The following LAMA3 variants were observed in gnomAD, a reference collection of about 807,000 sequenced individuals.
LAMA3 encodes laminin subunit alpha-3.
LAMA3 carries 281 observed loss-of-function variants against 402.0 expected under a neutral mutation model. The ratio of observed to expected loss-of-function variants is 0.70; its 90% CI spans 0.63 to 0.77. The LOEUF is 0.77. Among genes scored for constraint, LAMA3 ranks in the 30% least tolerant of loss-of-function variants. LAMA3 has a pLI of 0.00. For synonymous variants in LAMA3, 1,431 were observed against 1,558.4 expected (o/e 0.92, Z 1.93); for missense variants, 3,840 against 4,215.5 (o/e 0.91, Z 2.47).
chr18:23,922,299 A>G (rs1393987745), intron 62 of LAMA3, among the ~76,000 whole-genome samples: 1 of 152,230 alleles, frequency 6.6e-6, no homozygotes, highest in African/African-American at 2.4e-5. Context: ...GAGTGCTCCC[A>G]GAAGGTTAGG....
chr18:23,739,142 G>A (rs914102895), intron 2 of LAMA3, among the ~76,000 whole-genome samples: 3 of 152,168 alleles, frequency 2.0e-5, no homozygotes, highest in Non-Finnish European at 2.9e-5. Flanking sequence ...GCAGGTTGGT[G>A]CCTCTGCAGA....
At chr18:23,740,504 T>C (rs931825339) in intron 2 of LAMA3, among the ~76,000 whole-genome samples, 4 of 152,188 alleles carry the variant, frequency 2.6e-5, no homozygotes, top group African/African-American at 9.7e-5. Context: ...AGGGATTTTA[T>C]TTCTCAGGCT....
At chr18:23,827,197 G>A (rs1246534596) in intron 22 of LAMA3, 117 bp from the exon 23 acceptor site, 2 of 1,082,088 alleles carry the variant, frequency 1.8e-6, no homozygotes, top group Middle Eastern at 2.3e-4. Flanking sequence ...GTTTATTGAA[G>A]GATGATGAAT....
intron 18 of LAMA3, among the ~76,000 whole-genome samples, chr18:23,819,386 C>T (rs1228908527): frequency 6.6e-6 from 1 of 152,082 alleles, no homozygotes; most frequent in East Asian, 1.9e-4. Flanking sequence ...GTAAATTTAG[C>T]ATATGAAATA....
intron 2 of LAMA3, among the ~76,000 whole-genome samples, chr18:23,746,893 A>C (rs930420882): frequency 5.3e-5 from 8 of 151,976 alleles, no homozygotes; most frequent in Admixed American, 1.3e-4. Flanking sequence ...TAAAAAAAAA[A>C]AACAACTTAC....
chr18:23,738,927 AG>A (rs751238863), intron 2 of LAMA3, among the ~76,000 whole-genome samples: 2 of 152,214 alleles, frequency 1.3e-5, no homozygotes, highest in Non-Finnish European at 2.9e-5. Flanking sequence ...CAGCTTCTAA[AG>A]TTGGAGTTGC....
At chr18:23,832,586 G>T (rs1212805697) in intron 23 of LAMA3, among the ~76,000 whole-genome samples, 2 of 152,164 alleles carry the variant, frequency 1.3e-5, no homozygotes, top group East Asian at 3.8e-4. Flanking sequence ...CAGGCATTAA[G>T]TATGTGTACA....
Position 23,689,594 on chromosome 18 carries a change from C to A in LAMA3, c.-90C>A. On this transcript the variant is annotated 5_prime_UTR_variant, in exon 1 of 75. Coordinates refer to ENST00000313654, the MANE Select transcript of LAMA3 (RefSeq NM_198129.4). ...ATATCCCCGGCTGCGCTAGTCCTGG[C>A]GCTGCAGGTCCGGGAGGCGCAGGCG... 3 of 1,165,790 alleles carry A rather than the reference C, an allele frequency of 2.6e-6. No homozygotes were observed. The highest frequency in any genetic ancestry group is 3.2e-6 in the Non-Finnish European group (3 of 930,276). The allele number at this position is 1,165,790 out of a possible 1,614,324, so 72.2% of individuals were successfully genotyped here.
intron 13 of LAMA3, among the ~76,000 whole-genome samples, chr18:23,812,659 ATAAT>A (rs991978741): frequency 1.3e-5 from 2 of 152,254 alleles, no homozygotes; most frequent in Non-Finnish European, 2.9e-5. Context: ...AGGAGGTGTG[ATAAT>A]TAAAGATGTA....
At chr18:23,745,173 ATGTGTGTGTGTG>A (rs55780622) in intron 2 of LAMA3, among the ~76,000 whole-genome samples, 5 of 148,932 alleles carry the variant, frequency 3.4e-5, no homozygotes, top group Non-Finnish European at 6.0e-5. Context: ...AGAATCAAAA[ATGTGTGTGTGTG>A]TGTGTGTGTG....
intron 13 of LAMA3, among the ~76,000 whole-genome samples, chr18:23,811,223 G>A (rs1328783131): frequency 1.3e-5 from 2 of 152,060 alleles, no homozygotes; most frequent in African/African-American, 4.8e-5. Flanking sequence ...ATTTCCCTGG[G>A]CTCCCTGGTG....
intron 41 of LAMA3, among the ~76,000 whole-genome samples, chr18:23,887,981 A>C (rs918838478): frequency 6.6e-6 from 1 of 152,252 alleles, no homozygotes; most frequent in Admixed American, 6.5e-5. Flanking sequence ...AGTAAGGAAG[A>C]AGTAGAATCG....
Position 23,812,940 on chromosome 18 carries a change from C to T in LAMA3, c.1742-117C>T, listed in dbSNP as rs570852067. ...CATGCAGACTTTGCCACACATCTAT[C>T]GAAAATATAAATGTAGATACACTAT... On this transcript the variant is annotated intron_variant, in intron 13 of 74. Transcript: ENST00000313654. 2.6e-5 allele frequency: 19 copies of T among 734,080 alleles called. No individual in the cohort carries two copies. In the East Asian group the frequency reaches 3.7e-4, roughly 14 times the overall value. The allele number at this position is 734,080 out of a possible 1,614,324, so 45.5% of individuals were successfully genotyped here.
intron 55 of LAMA3, among the ~76,000 whole-genome samples, chr18:23,909,649 C>A (rs977954609): frequency 1.3e-5 from 2 of 152,186 alleles, no homozygotes; most frequent in African/African-American, 4.8e-5. Flanking sequence ...ACAGGACCTA[C>A]CCTCCTATTG....
intron 67 of LAMA3, among the ~76,000 whole-genome samples, chr18:23,934,330 G>T (rs2082250602): frequency 6.6e-6 from 1 of 152,154 alleles, no homozygotes; most frequent in African/African-American, 2.4e-5. Flanking sequence ...AAGATACGTG[G>T]TGTACCCTTG....
chr18:23,690,148 T>TG (rs1225974144), intron 1 of LAMA3, among the ~76,000 whole-genome samples, 171 bp downstream of exon 1: 1 of 151,928 alleles, frequency 6.6e-6, no homozygotes, highest in Non-Finnish European at 1.5e-5. Flanking sequence ...AGCGATCTCG[T>TG]GGAAGCACCG....
intron 12 of LAMA3, among the ~76,000 whole-genome samples, chr18:23,809,938 C>T (rs1195129427): frequency 6.6e-6 from 1 of 152,042 alleles, no homozygotes; most frequent in Non-Finnish European, 1.5e-5. Context: ...AGTCACATCC[C>T]CCATCAGTTG....
At chr18:23,920,902 CT>C (rs1568346534) in intron 60 of LAMA3, 32 bp from the exon 61 acceptor site, 1 of 1,613,146 alleles carries the variant, frequency 6.2e-7, no homozygotes, top group South Asian at 1.1e-5. Context: ...TCAGCCAAGC[CT>C]TCTGGTCATC....
In LAMA3 at chr18:23,928,773, G is replaced by A. The variant is rs776398819; in HGVS notation, c.8436+8G>A. On this transcript the variant is annotated splice_region_variant and intron_variant, in intron 64 of 74. Transcript: ENST00000313654. ...TTAGATCATCAGACATGGGTATGCA[G>A]TAGTGCATTAATATCAAACAAGATT... The A allele has an allele frequency of 6.2e-6, 10 of 1,611,734 alleles. No homozygotes were observed. The East Asian group carries it at 1.1e-4, about 18-fold the overall frequency.
Sources: allele counts gnomAD v4.1 joint callset (sites outside exome capture counted in the v4.1 genomes callset), GRCh38; gene constraint gnomAD v4.1.1; transcripts MANE v1.5; gene names NCBI Gene and HGNC (gene_info 2026-07-23, HGNC 2026-07-21).